The following SPHKAP variants were observed in gnomAD, a reference collection of about 807,000 sequenced individuals.
SPHKAP encodes the protein SPHK1 interactor, AKAP domain containing, also known as A-kinase anchor protein SPHKAP.
Under a neutral mutation model 137.5 loss-of-function variants are expected in SPHKAP, and 67 were observed. The ratio of observed to expected loss-of-function variants is 0.49; its 90% CI spans 0.40 to 0.60. The LOEUF (loss-of-function observed/expected upper bound fraction) is 0.60. Among genes scored for constraint, SPHKAP ranks in the 20% least tolerant of loss-of-function variants. The pLI, the probability that SPHKAP is intolerant of heterozygous loss-of-function variation, is 0.00. For missense variants in SPHKAP, 2,097 were observed against 2,069.3 expected (o/e 1.01, Z -0.26); for synonymous variants, 813 against 785.3 (o/e 1.04, Z -0.59).
rs560354370 is a variant in SPHKAP at position 228,002,860 on chromosome 2, T to C, written c.4449-7166A>G. On this transcript the variant is annotated intron_variant, in intron 7 of 11. Coordinates refer to ENST00000392056, the MANE Select transcript of SPHKAP (RefSeq NM_001142644.2). ...CATTTCTTGTTTTCATCAGGTTTGT[T>C]AAAGATCAGATGGTTGTAGATGTGT... 3.3e-3 allele frequency among the ~76,000 whole-genome samples: 504 copies of C among 152,286 alleles called. 3 individuals carry two copies. The highest frequency in any genetic ancestry group is 0.012 in the African/African-American group (488 of 41,582).
At chr2:227,992,984 C>T (rs1693472135) in intron 9 of SPHKAP, among the ~76,000 whole-genome samples, 1 of 152,102 alleles carries the variant, frequency 6.6e-6, no homozygotes, top group Non-Finnish European at 1.5e-5. Flanking sequence ...GATGTATGTA[C>T]TTCCTAAAAG....
chr2:228,171,464 G>T (rs1437263258), intron 1 of SPHKAP, among the ~76,000 whole-genome samples: 1 of 152,102 alleles, frequency 6.6e-6, no homozygotes, highest in Non-Finnish European at 1.5e-5. Context: ...CTTTTTATAA[G>T]TTTGCTTATA....
At chr2:228,034,593 A>G (rs1264606689) in intron 3 of SPHKAP, among the ~76,000 whole-genome samples, 1 of 152,196 alleles carries the variant, frequency 6.6e-6, no homozygotes, top group Non-Finnish European at 1.5e-5. Context: ...AGAATTTTAG[A>G]CCAATATCCT....
At chr2:228,055,156 A>C (rs1444663751) in intron 3 of SPHKAP, among the ~76,000 whole-genome samples, 1 of 151,428 alleles carries the variant, frequency 6.6e-6, no homozygotes, top group African/African-American at 2.4e-5. Flanking sequence ...AAAAAAAAAA[A>C]AAAGTGGTTT....
Position 228,084,780 on chromosome 2 carries a change from C to T in SPHKAP, c.246+24052G>A, listed in dbSNP as rs148770744. ...GTTCTTTAGATCAAAGGGATCTCTGCTTAGGTGAAGAATGAGAAAGGGCTG... is the reference window on the plus strand; with the variant it reads ...GTTCTTTAGATCAAAGGGATCTCTGTTTAGGTGAAGAATGAGAAAGGGCTG... On this transcript the variant is annotated intron_variant, in intron 3 of 11. Transcript: ENST00000392056. 6.0e-3 allele frequency among the ~76,000 whole-genome samples: 920 copies of T among 152,212 alleles called. 15 individuals are homozygous for T. Among genetic ancestry groups the T allele is most frequent in the African/African-American group, 0.021 (863 of 41,510 alleles).
chr2:228,048,391 T>G (rs1405763156), intron 3 of SPHKAP, among the ~76,000 whole-genome samples: 1 of 152,116 alleles, frequency 6.6e-6, no homozygotes, highest in Non-Finnish European at 1.5e-5. Flanking sequence ...ATTACCCTTT[T>G]CCTCTTTAAT....
intron 1 of SPHKAP, among the ~76,000 whole-genome samples, chr2:228,133,151 C>T (rs768129325): frequency 1.3e-5 from 2 of 150,794 alleles, no homozygotes; most frequent in African/African-American, 2.4e-5. Context: ...TCCTAAAATA[C>T]AAAAAATTAG....
intron 7 of SPHKAP, among the ~76,000 whole-genome samples, chr2:228,015,902 T>C (rs1343772255): frequency 3.3e-5 from 5 of 152,198 alleles, no homozygotes; most frequent in Non-Finnish European, 5.9e-5. Context: ...CCAAAACTAA[T>C]ATTTATTTGA....
At chr2:228,167,274 C>A (rs926640845) in intron 1 of SPHKAP, among the ~76,000 whole-genome samples, 12 of 152,096 alleles carry the variant, frequency 7.9e-5, no homozygotes, top group African/African-American at 2.9e-4. Context: ...TTCTATATTA[C>A]CTGATTCTCA....
rs773664176 is a variant in SPHKAP at position 228,018,396 on chromosome 2, C to T, written c.2458G>A (p.Val820Met). Residue 820 changes from valine (V) to methionine (M), a missense_variant, in exon 7 of 12, where the codon GTG becomes ATG. Coordinates refer to ENST00000392056, the MANE Select transcript of SPHKAP (RefSeq NM_001142644.2). ...LQSQLSRSHR[V>M]PDSSTATTSS... ...GTTGTAGCAGTTGAAGAATCGGGCA[C>T]TCTGTGACTACGTGATAATTGTGAC... The T allele has an allele frequency of 3.1e-6, 5 of 1,614,076 alleles. No homozygotes were observed. The highest frequency in any genetic ancestry group is 4.2e-6 in the Non-Finnish European group (5 of 1,179,976).
intron 1 of SPHKAP, among the ~76,000 whole-genome samples, chr2:228,179,263 A>G (rs1489125692): frequency 6.6e-6 from 1 of 152,216 alleles, no homozygotes; most frequent in Non-Finnish European, 1.5e-5. Flanking sequence ...CCTTGACAAT[A>G]GCAATTTGAT....
rs558844156 is a variant in SPHKAP at position 228,040,864 on chromosome 2, T to A, written c.247-13321A>T. Among the ~76,000 whole-genome samples, 45 of 152,342 alleles carry A rather than the reference T, an allele frequency of 3.0e-4. No individual in the cohort carries two copies. The South Asian group carries it at 9.3e-3, about 32-fold the overall frequency. Reference sequence around the variant, plus strand: ...CTTATATGTAATGTCTGATGTACATTTACTAGATATGTAACACATTATATT... The same window carrying A: ...CTTATATGTAATGTCTGATGTACATATACTAGATATGTAACACATTATATT... On this transcript the variant is annotated intron_variant, in intron 3 of 11. Coordinates refer to ENST00000392056, the MANE Select transcript of SPHKAP (RefSeq NM_001142644.2).
At chr2:228,125,116 A>G (rs1418907145) in intron 2 of SPHKAP, among the ~76,000 whole-genome samples, 1 of 152,186 alleles carries the variant, frequency 6.6e-6, no homozygotes, top group Non-Finnish European at 1.5e-5. Context: ...TTAACATGAC[A>G]TGAAAAGAGA....
At chr2:228,027,118 A>G (rs1695072043) in intron 4 of SPHKAP, among the ~76,000 whole-genome samples, 1 of 152,246 alleles carries the variant, frequency 6.6e-6, no homozygotes, top group South Asian at 2.1e-4. Context: ...CCAAGGGTAC[A>G]GGTAAAGCAT....
intron 3 of SPHKAP, among the ~76,000 whole-genome samples, chr2:228,105,453 G>T (rs900996572): frequency 6.6e-6 from 1 of 151,956 alleles, no homozygotes; most frequent in African/African-American, 2.4e-5. Flanking sequence ...TGCCATGAAG[G>T]TTAGTATATA....
At chr2:228,173,025 G>A in intron 1 of SPHKAP, 3 of 985,292 alleles carry the variant, frequency 3.0e-6, no homozygotes, top group Non-Finnish European at 3.6e-6. Context: ...CAATAAACAT[G>A]TGCCAAAGAG....
At chr2:228,110,672 G>A (rs1255632729) in intron 2 of SPHKAP, among the ~76,000 whole-genome samples, 1 of 152,162 alleles carries the variant, frequency 6.6e-6, no homozygotes, top group Non-Finnish European at 1.5e-5. Context: ...ATTCTGTGGA[G>A]TTTTCCAGAG....
rs548537271 is a variant in SPHKAP at position 228,027,569 on chromosome 2, C to G, written c.247-26G>C. ...CTGGGAAAAGAGGGCAAAAATAGTA[C>G]GTTAAAGTCAAAAACCTGACTGTCT... On this transcript the variant is annotated intron_variant, in intron 3 of 11. Coordinates refer to ENST00000392056, the MANE Select transcript of SPHKAP (RefSeq NM_001142644.2). 31 of 1,611,224 alleles carry G rather than the reference C, an allele frequency of 1.9e-5. No homozygotes were observed. In the South Asian group the frequency reaches 2.9e-4, roughly 15 times the overall value.
chr2:228,027,568 A>T, intron 3 of SPHKAP, 25 bp from the exon 4 acceptor site: 1 of 1,612,176 alleles, frequency 6.2e-7, no homozygotes, highest in Non-Finnish European at 8.5e-7. Flanking sequence ...CAAAAATAGT[A>T]CGTTAAAGTC....
Sources: gnomAD v4.1 joint callset for allele counts (sites outside exome capture counted in the v4.1 genomes callset) on GRCh38, gnomAD v4.1.1 for gene constraint, MANE v1.5 for transcripts, NCBI Gene and HGNC (gene_info 2026-07-23, HGNC 2026-07-21) for gene names.